PRKN: variants seen among roughly 807,000 people sequenced by gnomAD.
PRKN encodes the protein E3 ubiquitin-protein ligase parkin.
In PRKN, 56 loss-of-function variants were observed where a neutral mutation model predicts 59.5. The observed-to-expected ratio is 0.94, with a 90% CI of 0.76 to 1.18. The LOEUF (loss-of-function observed/expected upper bound fraction) is 1.18, where lower values mean the gene tolerates loss of function less well. Among genes scored for constraint, PRKN ranks in the 50% most tolerant of loss-of-function variants. The probability of loss-of-function intolerance (pLI) is 0.00; values close to 1 mark genes in which losing one functional copy is unlikely to be tolerated. For missense variants in PRKN, 657 were observed against 596.4 expected, an observed-to-expected ratio of 1.10 and a Z score of -1.06; for synonymous variants, 250 against 222.1, an observed-to-expected ratio of 1.13 and a Z score of -1.12.
At chr6:162,722,671 G>A (rs542399158) in intron 1 of PRKN, among the ~76,000 whole-genome samples, 1 of 152,152 alleles carries the variant, frequency 6.6e-6, no homozygotes, top group Non-Finnish European at 1.5e-5. Flanking sequence ...GAAGCATTTC[G>A]AAGTAAGAAC....
rs560649477 is a variant in PRKN, at chr6:162,283,545, A to G, written c.172-20780T>C. On this transcript the variant is annotated intron_variant, in intron 2 of 11. Transcript: ENST00000366898. ...AGCATAGAGTGAAAAAATCCTTAGA[A>G]CAGTCTTGCTCTGTCGCCCAGGCTG... Among the ~76,000 whole-genome samples, 6 of 152,302 alleles carry G rather than the reference A, an allele frequency of 3.9e-5. No homozygotes were observed. The East Asian group carries it at 1.2e-3, about 29-fold the overall frequency.
chr6:162,276,125 C>T (rs888693544), intron 2 of PRKN, among the ~76,000 whole-genome samples: 2 of 152,090 alleles, frequency 1.3e-5, no homozygotes, highest in African/African-American at 2.4e-5. Flanking sequence ...ATGTTTTGTT[C>T]GTTTTTTAAA....
Position 161,399,311 on chromosome 6 carries a change from T to G in PRKN, c.1084-12434A>C, listed in dbSNP as rs2114975385. Among the ~76,000 whole-genome samples, 1 of 152,268 alleles carries G rather than the reference T, an allele frequency of 6.6e-6. No homozygotes were observed. Among genetic ancestry groups the G allele is most frequent in the Non-Finnish European group, 1.5e-5 (1 of 68,020 alleles). Reference sequence around the variant, plus strand: ...GACAAGAACTTGGAATATGGAAAGCTGTCACACTGGCCCTCTGCCCTTGCA... The same window carrying G: ...GACAAGAACTTGGAATATGGAAAGCGGTCACACTGGCCCTCTGCCCTTGCA... On this transcript the variant is annotated intron_variant, in intron 9 of 11. Coordinates refer to ENST00000366898, the MANE Select transcript of PRKN (RefSeq NM_004562.3). This position sits in a 1 kb window ranked among gnomAD's most constrained non-coding sequence, Gnocchi z 4.4.
In PRKN at chr6:161,356,255, A is replaced by G. The variant is rs1161140052; in HGVS notation, c.1285+3833T>C. ...GGGATGGTGTTGACAGTGCCCCCCA[A>G]CAGGAGGGCAGGGGTCTTTGGCAGG... On this transcript the variant is annotated intron_variant, in intron 11 of 11. Coordinates refer to ENST00000366898, the MANE Select transcript of PRKN (RefSeq NM_004562.3). This position sits in a 1 kb window ranked among gnomAD's most constrained non-coding sequence, Gnocchi z 7.8. Among the ~76,000 whole-genome samples the G allele has an allele frequency of 6.6e-6, 1 of 152,170 alleles. No individual in the cohort carries two copies. The highest frequency in any genetic ancestry group is 1.5e-5 in the Non-Finnish European group (1 of 68,026).
chr6:161,841,912 A>AT (rs1441850928), intron 6 of PRKN, among the ~76,000 whole-genome samples: 1 of 151,664 alleles, frequency 6.6e-6, no homozygotes, highest in Non-Finnish European at 1.5e-5. Flanking sequence ...CAAATCCCCA[A>AT]TTTTTCCTTA....
intron 1 of PRKN, among the ~76,000 whole-genome samples, chr6:162,635,272 A>G (rs755382472): frequency 2.6e-5 from 4 of 152,180 alleles, no homozygotes; most frequent in Non-Finnish European, 5.9e-5. Context: ...TCAATTTCCA[A>G]AATAATAAAT....
In PRKN at chr6:161,988,361, G is replaced by A. The variant is rs893746379; in HGVS notation, c.619-14944C>T. On this transcript the variant is annotated intron_variant, in intron 5 of 11. Transcript: ENST00000366898. ...AAATTAGCTGGGTGTAGTGGGGCGC[G>A]CATGTAATCACAGCCACTAAGGAGG... 9.2e-5 allele frequency among the ~76,000 whole-genome samples: 14 copies of A among 151,984 alleles called. No individual in the cohort carries two copies. The East Asian group carries it at 1.7e-3, about 19-fold the overall frequency.
At chr6:161,739,743 A>T (rs1788110870) in intron 7 of PRKN, among the ~76,000 whole-genome samples, 1 of 151,088 alleles carries the variant, frequency 6.6e-6, no homozygotes, top group Non-Finnish European at 1.5e-5. Context: ...ACATGTAACA[A>T]TTTTTTTTCT....
intron 4 of PRKN, among the ~76,000 whole-genome samples, chr6:162,062,856 A>G (rs1778155523): frequency 6.6e-6 from 1 of 152,182 alleles, no homozygotes; most frequent in Admixed American, 6.5e-5. Context: ...AACTCCTCAA[A>G]TTGTACCCTT....
rs573343388 is a variant in PRKN at position 161,791,933 on chromosome 6, G to A, written c.735-6025C>T. ...CCAAGAGTAGGTCAGAAAAGACACC[G>A]CAGCCTCTGTCTGTGCTCTTACAGA... On this transcript the variant is annotated intron_variant, in intron 6 of 11. Transcript: ENST00000366898. 2.2e-4 allele frequency among the ~76,000 whole-genome samples: 33 copies of A among 152,244 alleles called. No homozygotes were observed. The South Asian group carries it at 3.7e-3, about 17-fold the overall frequency.
At chr6:161,884,531 T>C (rs1221204260) in intron 6 of PRKN, among the ~76,000 whole-genome samples, 1 of 152,216 alleles carries the variant, frequency 6.6e-6, no homozygotes, top group Non-Finnish European at 1.5e-5. Flanking sequence ...CTTAAAATGA[T>C]GGATATGCAA....
chr6:162,595,157 GA>G (rs1289880391), intron 1 of PRKN, among the ~76,000 whole-genome samples: 1 of 152,160 alleles, frequency 6.6e-6, no homozygotes, highest in Non-Finnish European at 1.5e-5. Flanking sequence ...CTGGGTAACA[GA>G]GCGAGATTCT....
Position 162,435,846 on chromosome 6 carries a change from G to A in PRKN, c.171+7464C>T, listed in dbSNP as rs1789741197. 3.3e-5 allele frequency among the ~76,000 whole-genome samples: 5 copies of A among 152,044 alleles called. No individual in the cohort carries two copies. The South Asian group carries it at 8.3e-4, about 25-fold the overall frequency. On this transcript the variant is annotated intron_variant, in intron 2 of 11. Coordinates refer to ENST00000366898, the MANE Select transcript of PRKN (RefSeq NM_004562.3). ...ACTGTGCTCTGGGTATAATGGTATT[G>A]AGCCTGGCCTCCTTTTATCTTATAA...
At chr6:161,831,100 C>T (rs1015065504) in intron 6 of PRKN, among the ~76,000 whole-genome samples, 1 of 152,200 alleles carries the variant, frequency 6.6e-6, no homozygotes, top group Non-Finnish European at 1.5e-5. Flanking sequence ...CAAGAAAGAG[C>T]AGCTAACTGG....
chr6:162,479,382 T>C (rs1792182443), intron 1 of PRKN, among the ~76,000 whole-genome samples: 1 of 151,970 alleles, frequency 6.6e-6, no homozygotes, highest in Admixed American at 6.6e-5. Context: ...CATGCCAACA[T>C]CCCCAGCTAA....
intron 1 of PRKN, among the ~76,000 whole-genome samples, chr6:162,503,136 C>CTTTTTTTT (rs10629175): frequency 0.018 from 1,424 of 80,128 alleles, 7 homozygotes; most frequent in Middle Eastern, 0.029. Context: ...GTCTTCATTT[C>CTTTTTTTT]TTTTTTTTTT....
intron 1 of PRKN, among the ~76,000 whole-genome samples, chr6:162,660,020 T>C (rs980817677): frequency 1.3e-5 from 2 of 152,194 alleles, no homozygotes; most frequent in African/African-American, 4.8e-5. Context: ...TATTTTATGA[T>C]AATCCTCCTA....
chr6:161,861,822 A>C (rs1793915725), intron 6 of PRKN, among the ~76,000 whole-genome samples: 1 of 152,194 alleles, frequency 6.6e-6, no homozygotes, highest in South Asian at 2.1e-4. Context: ...TTGAGCTGAT[A>C]TTGAAGCTGG....
rs1779283303 is a variant in PRKN, at chr6:161,533,071, T to C, written c.1083+15783A>G. Among the ~76,000 whole-genome samples, 1 of 152,188 alleles carries C rather than the reference T, an allele frequency of 6.6e-6. No homozygotes were observed. The highest frequency in any genetic ancestry group is 2.4e-5 in the African/African-American group (1 of 41,440). On this transcript the variant is annotated intron_variant, in intron 9 of 11. Transcript: ENST00000366898. The surrounding 1 kb of genome is among the most constrained non-coding windows in gnomAD (Gnocchi z 4.1). ...TAATAAAGATGGGTGAGTATAAATATTCTATAGTGTACCATATTAGCTATT... is the reference window on the plus strand; with the variant it reads ...TAATAAAGATGGGTGAGTATAAATACTCTATAGTGTACCATATTAGCTATT...
Sources: allele counts gnomAD v4.1 joint callset (sites outside exome capture counted in the v4.1 genomes callset), GRCh38; gene constraint gnomAD v4.1.1; non-coding constraint Gnocchi (gnomAD v3.1); transcripts MANE v1.5; gene names NCBI Gene and HGNC (gene_info 2026-07-23, HGNC 2026-07-21).